The following GALNTL5 variants were observed in gnomAD, a reference collection of about 807,000 sequenced individuals.
GALNTL5 encodes inactive polypeptide N-acetylgalactosaminyltransferase-like protein 5.
In GALNTL5, 44 loss-of-function variants were observed where a neutral mutation model predicts 51.0. The ratio of observed to expected loss-of-function variants is 0.86; its 90% CI spans 0.68 to 1.11. GALNTL5 has a LOEUF of 1.11. Among genes scored for constraint, GALNTL5 ranks in the 50% least tolerant of loss-of-function variants. The probability of loss-of-function intolerance (pLI) is 0.00; values close to 1 mark genes in which losing one functional copy is unlikely to be tolerated. For missense variants in GALNTL5, 528 were observed against 531.8 expected, an observed-to-expected ratio of 0.99 and a Z score of 0.07; for synonymous variants, 192 against 182.8, an observed-to-expected ratio of 1.05 and a Z score of -0.41.
chr7:151,980,797 G>C (rs371836068), intron 3 of GALNTL5, among the ~76,000 whole-genome samples: 2 of 131,266 alleles, frequency 1.5e-5, no homozygotes, highest in East Asian at 2.3e-4. Flanking sequence ...CCAGGCTGGA[G>C]TGCAGTGGCG....
chr7:151,983,923 G>A (rs1004951232), intron 4 of GALNTL5, among the ~76,000 whole-genome samples: 1 of 152,146 alleles, frequency 6.6e-6, no homozygotes, highest in African/African-American at 2.4e-5. Flanking sequence ...GTTATTAAAA[G>A]GGAACTCCCA....
chr7:151,987,809 T>C (rs1475690170), intron 5 of GALNTL5, among the ~76,000 whole-genome samples: 1 of 152,162 alleles, frequency 6.6e-6, no homozygotes, highest in Non-Finnish European at 1.5e-5. Flanking sequence ...TTGAAGCGCT[T>C]CAGACAAGGT....
rs149702662 is a variant in GALNTL5 at position 151,963,727 on chromosome 7, C to T, written c.-39-3481C>T. 1.3e-3 allele frequency among the ~76,000 whole-genome samples: 201 copies of T among 152,292 alleles called. 1 individual carries two copies. The highest frequency in any genetic ancestry group is 3.5e-3 in the African/African-American group (146 of 41,556). ...ATTCTAATTTTTAAATGTGAACAAT[C>T]GTGTTTTAAATTGCAGCTTCCCCTT... is the stretch of plus-strand genomic sequence containing the variant. On this transcript the variant is annotated intron_variant, in intron 1 of 8. Transcript: ENST00000392800.
At chr7:151,967,947 C>T (rs1390719523) in intron 2 of GALNTL5, among the ~76,000 whole-genome samples, 1 of 152,010 alleles carries the variant, frequency 6.6e-6, no homozygotes, top group Non-Finnish European at 1.5e-5. Flanking sequence ...TTGGAATTTG[C>T]TTTTGTCCCT....
chr7:151,982,692 T>G (rs2151946925), intron 3 of GALNTL5: 1 of 432,558 alleles, frequency 2.3e-6, no homozygotes, highest in South Asian at 2.2e-5. Context: ...TACATGAATA[T>G]AATTTGTGTT....
intron 3 of GALNTL5, among the ~76,000 whole-genome samples, chr7:151,975,645 A>G (rs907152222): frequency 2.0e-5 from 3 of 152,024 alleles, no homozygotes; most frequent in Non-Finnish European, 4.4e-5. Flanking sequence ...TCCTTCAGGT[A>G]TAACATTAGG....
chr7:151,998,784 CA>C (rs1329221319), intron 5 of GALNTL5, among the ~76,000 whole-genome samples: 3 of 46,056 alleles, frequency 6.5e-5, no homozygotes, highest in Admixed American at 1.8e-4. Flanking sequence ...AAAAAAAAAA[CA>C]AAAAACAAAA....
chr7:151,987,589 G>A (rs1213077455), intron 5 of GALNTL5, among the ~76,000 whole-genome samples: 2 of 113,784 alleles, frequency 1.8e-5, no homozygotes, highest in African/African-American at 6.8e-5. Flanking sequence ...CCCACTGGGA[G>A]CCACAAGAGT....
intron 6 of GALNTL5, among the ~76,000 whole-genome samples, chr7:152,007,194 G>A (rs565533052): frequency 3.0e-4 from 46 of 152,232 alleles, no homozygotes; most frequent in African/African-American, 1.1e-3. Context: ...TCTTTAGAAA[G>A]GGAGAGCTCT....
chr7:151,994,763 T>G (rs1259859530), intron 5 of GALNTL5, among the ~76,000 whole-genome samples: 1 of 1,372 alleles, frequency 7.3e-4, no homozygotes, highest in African/African-American at 1.0e-3. Context: ...TTACCCCCAA[T>G]TTTTTTTTTT....
chr7:152,009,276 C>A (rs1316771670), intron 7 of GALNTL5, among the ~76,000 whole-genome samples: 1 of 152,192 alleles, frequency 6.6e-6, no homozygotes, highest in African/African-American at 2.4e-5. Flanking sequence ...AAATCGATAT[C>A]CTGGAAGGCC....
chr7:151,981,632 CCCTT>C (rs1359976975), intron 3 of GALNTL5, among the ~76,000 whole-genome samples: 3 of 140,070 alleles, frequency 2.1e-5, no homozygotes, highest in Non-Finnish European at 3.1e-5. Context: ...CTTCCTTCCT[CCCTT>C]TCTCTCTCTC....
chr7:151,967,564 G>C, intron 2 of GALNTL5, 71 bp downstream of exon 2: 1 of 1,376,160 alleles, frequency 7.3e-7, no homozygotes, highest in Non-Finnish European at 1.0e-6. Flanking sequence ...ATATTTGGAA[G>C]AGTACGAGAC....
At chr7:152,012,770 C>A (rs2151961352) in intron 7 of GALNTL5, among the ~76,000 whole-genome samples, 1 of 152,256 alleles carries the variant, frequency 6.6e-6, no homozygotes, top group Non-Finnish European at 1.5e-5. Context: ...AGTTCATGAC[C>A]AACCTGGCCA....
chr7:151,980,637 G>A (rs1363367549), intron 3 of GALNTL5, among the ~76,000 whole-genome samples: 1 of 151,564 alleles, frequency 6.6e-6, no homozygotes, highest in Non-Finnish European at 1.5e-5. Flanking sequence ...CATTTTGTGA[G>A]TACCCTGAGG....
intron 5 of GALNTL5, among the ~76,000 whole-genome samples, chr7:151,989,820 A>C (rs116412455): frequency 1.3e-5 from 2 of 152,232 alleles, no homozygotes; most frequent in South Asian, 4.1e-4. Flanking sequence ...CCAGCCATCA[A>C]ATTTTTTCAT....
intron 5 of GALNTL5, among the ~76,000 whole-genome samples, chr7:151,997,904 T>A (rs961831350): frequency 9.9e-5 from 15 of 152,212 alleles, no homozygotes; most frequent in African/African-American, 3.6e-4. Flanking sequence ...AATTTTATTT[T>A]AAAAAATCAA....
At chr7:151,987,765 C>G (rs770491787) in intron 5 of GALNTL5, among the ~76,000 whole-genome samples, 2 of 152,212 alleles carry the variant, frequency 1.3e-5, no homozygotes, top group Non-Finnish European at 2.9e-5. Context: ...ACCCGACACA[C>G]GTGGAGGAGG....
intron 7 of GALNTL5, among the ~76,000 whole-genome samples, chr7:152,010,955 C>A (rs1363863634): frequency 8.5e-5 from 13 of 152,242 alleles, no homozygotes; most frequent in Admixed American, 3.3e-4. Flanking sequence ...TTATATCTGA[C>A]ATGCACTGCT....
Sources: gnomAD v4.1 joint callset for allele counts (sites outside exome capture counted in the v4.1 genomes callset) on GRCh38, gnomAD v4.1.1 for gene constraint, MANE v1.5 for transcripts, NCBI Gene and HGNC (gene_info 2026-07-23, HGNC 2026-07-21) for gene names.